Variants in NCAN observed in about 807,000 individuals in gnomAD.
NCAN encodes neurocan, also known as neurocan core protein.
Under a neutral mutation model 121.8 loss-of-function variants are expected in NCAN, and 47 were observed. That is an observed-to-expected ratio of 0.39 (90% confidence interval 0.31 to 0.49). The LOEUF is 0.49. Among genes scored for constraint, NCAN ranks in the 20% least tolerant of loss-of-function variants. NCAN has a pLI of 0.92. For synonymous variants in NCAN, 633 were observed against 702.0 expected (o/e 0.90, Z 1.55); for missense variants, 1,517 against 1,773.4 (o/e 0.86, Z 2.60).
chr19:19,249,172 G>A (rs937976327), intron 14 of NCAN, among the ~76,000 whole-genome samples: 12 of 151,460 alleles, frequency 7.9e-5, no homozygotes, highest in African/African-American at 2.9e-4. Flanking sequence ...CCGGGTTCAA[G>A]CGATCCTTGT....
intron 8 of NCAN, chr19:19,232,856 T>G (rs1396848732): frequency 6.6e-6 from 1 of 152,170 alleles, no homozygotes; most frequent in Non-Finnish European, 1.5e-5. Context: ...AGTAAAGTAG[T>G]GCTCGCTTCA....
rs200924541 is a variant in NCAN at position 19,238,221 on chromosome 19, G to A, written c.3251-32G>A. On this transcript the variant is annotated intron_variant, in intron 10 of 14. Coordinates refer to ENST00000252575, the MANE Select transcript of NCAN (RefSeq NM_004386.3). ...GCTGGTAGGCCTTGGGCCAAGGCCAGCCCCCCCTCACGCTCCTATCCCATC... is the reference window on the plus strand; with the variant it reads ...GCTGGTAGGCCTTGGGCCAAGGCCAACCCCCCCTCACGCTCCTATCCCATC... The A allele has an allele frequency of 5.0e-6, 8 of 1,612,932 alleles. No individual in the cohort carries two copies. The Admixed American group carries it at 6.7e-5, about 13-fold the overall frequency.
intron 11 of NCAN, among the ~76,000 whole-genome samples, chr19:19,240,046 C>T (rs1260265200): frequency 2.9e-5 from 3 of 105,070 alleles, no homozygotes; most frequent in Admixed American, 8.9e-5. Flanking sequence ...TTTCTCCTCC[C>T]CCTCCTCCTC....
rs140545328 is a variant in NCAN, at chr19:19,218,213, G to A, written c.74-702G>A. On this transcript the variant is annotated intron_variant, in intron 2 of 14. Transcript: ENST00000252575. The stretch of plus-strand genomic sequence containing the variant: ...GAATTGCTTGAACTTAGGAGGCAGA[G>A]GTTGCAGTGAGCTGAGATCATGCCA... Among the ~76,000 whole-genome samples, 701 of 152,156 alleles carry A rather than the reference G, an allele frequency of 4.6e-3. 3 individuals are homozygous for A. Among genetic ancestry groups the A allele is most frequent in the African/African-American group, 0.016 (669 of 41,524 alleles).
In NCAN at chr19:19,248,832, G is replaced by A. The variant is rs376353493; in HGVS notation, c.3770G>A (p.Arg1257Gln). The A allele has an allele frequency of 1.5e-5, 24 of 1,614,106 alleles. No individual in the cohort carries two copies. In the Admixed American group the frequency reaches 1.5e-4, roughly 10 times the overall value. ...GCCCAGCACCATGTGGCCACCATTC[G>A]ATGCCGGAGCAATGGCAAGTGGGAC... is the stretch of plus-strand genomic sequence containing the variant. ...GFAQHHVATI[R>Q]CRSNGKWDRP... is the part of the protein sequence containing the mutation. The change falls in exon 14 of 15, where the codon CGA becomes CAA. Residue 1257 changes from arginine to glutamine, a missense_variant. Transcript: ENST00000252575.
rs1251876049 is a variant in NCAN, at chr19:19,224,999, G to C, written c.801G>C (p.Pro267=). ...ELGGEVFYVG[P]ARRLTLAGAR... ...CAGGCGAGGTCTTCTACGTGGGCCC[G>C]GCCCGCCGCCTGACACTGGCCGGCG... Residue 267 remains proline, a synonymous_variant, in exon 6 of 15, where the codon CCG becomes CCC. Transcript: ENST00000252575. 3.7e-5 allele frequency: 54 copies of C among 1,457,062 alleles called. No individual in the cohort carries two copies. Among genetic ancestry groups the C allele is most frequent in the Non-Finnish European group, 4.5e-5 (50 of 1,111,360 alleles). 90.3% of individuals were successfully genotyped at this position (1,457,062 alleles called of 1,614,324 possible).
intron 13 of NCAN, among the ~76,000 whole-genome samples, chr19:19,247,094 T>C (rs1446821538): frequency 6.6e-6 from 1 of 152,152 alleles, no homozygotes; most frequent in African/African-American, 2.4e-5. Context: ...TTTATTTATT[T>C]ATTTTTGAAA....
At chr19:19,230,111 C>G (rs1479510420) in intron 8 of NCAN, among the ~76,000 whole-genome samples, 40 of 150,680 alleles carry the variant, frequency 2.7e-4, no homozygotes. Context: ...GTGGTGTGAT[C>G]TCGGCGCACT....
chr19:19,225,394 C>T lies in NCAN; in HGVS notation c.1072+124C>T, dbSNP rs1033095023. 4.1e-6 allele frequency: 5 copies of T among 1,224,714 alleles called. No individual in the cohort carries two copies. The highest frequency in any genetic ancestry group is 5.4e-6 in the Non-Finnish European group (5 of 929,302). 75.9% of individuals were successfully genotyped at this position (1,224,714 alleles called of 1,614,324 possible). ...GCTCGCTTTGTGATAAGCCACATCC[C>T]TGGGTGAGGGCCACGCCCCCGGGTG... On this transcript the variant is annotated intron_variant, in intron 6 of 14. Transcript: ENST00000252575. This position sits in a 1 kb window ranked among gnomAD's most constrained non-coding sequence, Gnocchi z 4.0.
Position 19,226,821 on chromosome 19 carries a change from G to A in NCAN, c.1408G>A (p.Val470Met), listed in dbSNP as rs770184569. 9.3e-6 allele frequency: 15 copies of A among 1,613,182 alleles called. No homozygotes were observed. Among genetic ancestry groups the A allele is most frequent in the Non-Finnish European group, 1.1e-5 (13 of 1,179,974 alleles). The change falls in exon 7 of 15, where the codon GTG becomes ATG. Residue 470 changes from valine (V) to methionine (M), a missense_variant. Val to Met is a conservative substitution (Grantham distance 21, BLOSUM62 1). Transcript: ENST00000252575. Reference protein sequence around the residue: ...AGTAASSHTEVAPTDPMPRRR... With the variant: ...AGTAASSHTEMAPTDPMPRRR... ...CACTGCAGCAAGTTCACACACGGAG[G>A]TGGCCCCAACTGACCCTATGCCTAG...
chr19:19,228,274 C>T lies in NCAN; in HGVS notation c.2654C>T (p.Pro885Leu), dbSNP rs2060845556. Residue 885 changes from proline (P) to leucine (L), a missense_variant, in exon 8 of 15, where the codon CCA becomes CTA. Coordinates refer to ENST00000252575, the MANE Select transcript of NCAN (RefSeq NM_004386.3). ...GAGCAGGGGGACAAGGTTGGAGTTC[C>T]AGCCATGTCTACACTGGGCTCCTCA... ...TLEQGDKVGV[P>L]AMSTLGSSSS... 2 of 1,613,986 alleles carry T rather than the reference C, an allele frequency of 1.2e-6. No individual in the cohort carries two copies. The highest frequency in any genetic ancestry group is 1.7e-6 in the Non-Finnish European group (2 of 1,180,014).
At position 19,227,468 on chromosome 19, in the gene NCAN, T is replaced by C. The variant is rs751889617; in HGVS notation, c.1848T>C (p.Pro616=). 1.9e-6 allele frequency: 3 copies of C among 1,613,504 alleles called. No homozygotes were observed. Among genetic ancestry groups the C allele is most frequent in the Non-Finnish European group, 2.5e-6 (3 of 1,179,804 alleles). The part of the protein sequence containing the change: ...PLEATVSAPS[P]APWEAFPVAT... ...AGGCCACTGTCTCAGCTCCCAGCCC[T>C]GCCCCCTGGGAGGCATTCCCTGTGG... Residue 616 remains proline, a synonymous_variant, in exon 8 of 15, where the codon CCT becomes CCC. Coordinates refer to ENST00000252575, the MANE Select transcript of NCAN (RefSeq NM_004386.3). The surrounding 1 kb of genome is among the most constrained non-coding windows in gnomAD (Gnocchi z 4.2).
In NCAN at chr19:19,227,608, C is replaced by A; in HGVS notation, c.1988C>A (p.Ala663Asp). The stretch of plus-strand genomic sequence containing the variant: ...AATAGAGTTGAGGCACATGGTGAGG[C>A]CACCGCCACGGCTCCACCCTCCCCT... The part of the protein sequence containing the change: ...EANRVEAHGE[A>D]TATAPPSPAA... The change falls in exon 8 of 15, where the codon GCC (alanine) becomes GAC (aspartate). Residue 663 changes from alanine (A) to aspartate (D), a missense_variant. Physicochemically the swap from Ala to Asp is moderately radical, Grantham distance 126 (BLOSUM62 -2). Transcript: ENST00000252575. The surrounding 1 kb of genome is among the most constrained non-coding windows in gnomAD (Gnocchi z 4.2). 1.9e-5 allele frequency: 30 copies of A among 1,613,884 alleles called. No individual in the cohort carries two copies. The highest frequency in any genetic ancestry group is 2.5e-5 in the Non-Finnish European group (29 of 1,180,008).
intron 13 of NCAN, among the ~76,000 whole-genome samples, chr19:19,248,260 T>C (rs2060932619): frequency 6.6e-6 from 1 of 151,934 alleles, no homozygotes; most frequent in Non-Finnish European, 1.5e-5. Context: ...GCCTGGCCAA[T>C]ATGACGAAAC....
At position 19,224,313 on chromosome 19, in the gene NCAN, A is replaced by G. The variant is rs2060827224; in HGVS notation, c.658A>G (p.Ile220Val). 6.2e-7 allele frequency: 1 copy of G among 1,613,598 alleles called. No homozygotes were observed. Among genetic ancestry groups the G allele is most frequent in the Non-Finnish European group, 8.5e-7 (1 of 1,179,662 alleles). ...WLSDRTVRYP[I>V]TQSRPGCYGD... is the part of the protein sequence containing the mutation. Reference sequence around the variant, plus strand: ...CTCCCCTTGTGTTGTCAGGTATCCTATCACCCAGTCCCGTCCTGGTTGCTA... The same window carrying G: ...CTCCCCTTGTGTTGTCAGGTATCCTGTCACCCAGTCCCGTCCTGGTTGCTA... The change falls in exon 5 of 15, where the codon ATC becomes GTC. Residue 220 changes from isoleucine (I) to valine (V), a missense_variant. Physicochemically the swap from Ile to Val is conservative, Grantham distance 29 (BLOSUM62 3). Transcript: ENST00000252575.
rs117835593 is a variant in NCAN, at chr19:19,236,345, T to G, written c.3250+1249T>G. On this transcript the variant is annotated intron_variant, in intron 10 of 14. Transcript: ENST00000252575. The stretch of plus-strand genomic sequence containing the variant: ...TCACCTGTATTGTAATATGAATCAG[T>G]GTTTCATTCCTTTTCATGGCTGAGT... Among the ~76,000 whole-genome samples, 294 of 152,342 alleles carry G rather than the reference T, an allele frequency of 1.9e-3. 1 individual carries two copies. Among genetic ancestry groups the G allele is most frequent in the East Asian group, 0.018 (96 of 5,192 alleles).
chr19:19,243,999 C>G (rs765310704), intron 12 of NCAN, among the ~76,000 whole-genome samples: 2 of 152,124 alleles, frequency 1.3e-5, no homozygotes, highest in African/African-American at 2.4e-5. Flanking sequence ...CCACTACACT[C>G]CAGCCTGGGC....
Position 19,249,819 on chromosome 19 carries a change from C to A in NCAN, c.3874C>A (p.Gln1292Lys). The A allele has an allele frequency of 1.2e-6, 2 of 1,613,462 alleles. No homozygotes were observed. The highest frequency in any genetic ancestry group is 1.7e-6 in the Non-Finnish European group (2 of 1,179,828). Residue 1292 changes from glutamine to lysine, a missense_variant, in exon 15 of 15, where the codon CAG (glutamine) becomes AAG (lysine). Coordinates refer to ENST00000252575, the MANE Select transcript of NCAN (RefSeq NM_004386.3). ...RHHHHHQHHH[Q>K]HHHHKSRKER... ...CCACCACCACCACCAACACCACCAC[C>A]AGCATCACCACCACAAATCCCGCAA...
chr19:19,244,994 G>A (rs2060919116), intron 12 of NCAN, among the ~76,000 whole-genome samples: 1 of 152,112 alleles, frequency 6.6e-6, no homozygotes, highest in African/African-American at 2.4e-5. Flanking sequence ...TTACAGGCAT[G>A]AGCCACCAGG....
Sources: gnomAD v4.1 joint callset for allele counts (sites outside exome capture counted in the v4.1 genomes callset) on GRCh38, gnomAD v4.1.1 for gene constraint, Gnocchi (gnomAD v3.1) non-coding constraint, MANE v1.5 for transcripts, NCBI Gene and HGNC (gene_info 2026-07-23, HGNC 2026-07-21) for gene names.